KCNAB1: variants seen among roughly 807,000 people sequenced by gnomAD.
KCNAB1 encodes the protein potassium voltage-gated channel subfamily A regulatory beta subunit 1, also known as voltage-gated potassium channel subunit beta-1.
Under a neutral mutation model 64.6 loss-of-function variants are expected in KCNAB1, and 35 were observed. That is an observed-to-expected ratio of 0.54 (90% CI 0.41 to 0.72). KCNAB1 has a LOEUF of 0.72. KCNAB1 is among the 30% of genes least tolerant of loss of function. The probability of loss-of-function intolerance (pLI) is 0.00; values close to 1 mark genes in which losing one functional copy is unlikely to be tolerated. For synonymous variants in KCNAB1, 177 were observed against 183.8 expected (o/e 0.96, Z 0.30); for missense variants, 401 against 512.9 (o/e 0.78, Z 2.11).
chr3:156,138,838 C>T (rs747848128), intron 1 of KCNAB1, among the ~76,000 whole-genome samples: 1 of 152,164 alleles, frequency 6.6e-6, no homozygotes, highest in Non-Finnish European at 1.5e-5. Flanking sequence ...GAATCCTGAA[C>T]AGGTGTAGAT....
rs986776850 is a variant in KCNAB1 at position 156,420,728 on chromosome 3, G to A, written c.276-888G>A. Among the ~76,000 whole-genome samples the A allele has an allele frequency of 2.0e-5, 3 of 152,146 alleles. No homozygotes were observed. The East Asian group carries it at 5.8e-4, about 29-fold the overall frequency. ...TTACACTAATGCTATGAGGCACCCT[G>A]TCTCTGAGAATTTGTTTTTTTCCTC... On this transcript the variant is annotated intron_variant, in intron 1 of 13. Coordinates refer to ENST00000490337, the MANE Select transcript of KCNAB1 (RefSeq NM_172160.3).
intron 1 of KCNAB1, among the ~76,000 whole-genome samples, chr3:156,298,459 A>G (rs1405845517): frequency 6.6e-6 from 1 of 152,254 alleles, no homozygotes; most frequent in Non-Finnish European, 1.5e-5. Flanking sequence ...ATTCTTTTTT[A>G]AAAATTCTGC....
At position 156,154,840 on chromosome 3, in the gene KCNAB1, G is replaced by C. The variant is rs144270181; in HGVS notation, c.275+33954G>C. On this transcript the variant is annotated intron_variant, in intron 1 of 13. Transcript: ENST00000490337. ...TTCTACTTCAGAGGGTTGGTTACCT[G>C]CAGGAGCCTGGGTGAGACTCATTAC... Among the ~76,000 whole-genome samples, 94 of 152,290 alleles carry C rather than the reference G, an allele frequency of 6.2e-4. No individual in the cohort carries two copies. The East Asian group carries it at 9.1e-3, about 15-fold the overall frequency.
At chr3:156,398,120 A>C (rs1015084191) in intron 1 of KCNAB1, among the ~76,000 whole-genome samples, 6 of 152,220 alleles carry the variant, frequency 3.9e-5, no homozygotes, top group African/African-American at 1.4e-4. Context: ...TATCCTCAGC[A>C]AACTCACACA....
chr3:156,534,374 AG>A (rs947913986), intron 13 of KCNAB1, among the ~76,000 whole-genome samples: 1 of 152,148 alleles, frequency 6.6e-6, no homozygotes, highest in Non-Finnish European at 1.5e-5. Context: ...CCACAGCTGC[AG>A]GCAGCCCACC....
intron 1 of KCNAB1, among the ~76,000 whole-genome samples, chr3:156,280,149 G>A (rs1384216540): frequency 8.4e-4 from 126 of 149,604 alleles, no homozygotes; most frequent in Non-Finnish European, 1.6e-3. Flanking sequence ...TTTGTATAAG[G>A]TGTAAGGAAG....
chr3:156,297,304 G>T (rs1444047063), intron 1 of KCNAB1, among the ~76,000 whole-genome samples: 2 of 144,738 alleles, frequency 1.4e-5, no homozygotes, highest in Non-Finnish European at 3.0e-5. Flanking sequence ...GGTTTGTACA[G>T]GGAAGTGGTG....
chr3:156,420,448 A>G (rs1458814829), intron 1 of KCNAB1, among the ~76,000 whole-genome samples: 1 of 152,248 alleles, frequency 6.6e-6, no homozygotes, highest in Non-Finnish European at 1.5e-5. Flanking sequence ...ATTAATAAGC[A>G]GAGGAAAAAC....
intron 1 of KCNAB1, among the ~76,000 whole-genome samples, chr3:156,322,412 A>C (rs1340023151): frequency 2.2e-4 from 33 of 152,340 alleles, no homozygotes; most frequent in Non-Finnish European, 2.9e-4. Flanking sequence ...GAACAGTTGG[A>C]TCTGTACCAA....
At chr3:156,124,718 G>A (rs927964831) in intron 1 of KCNAB1, among the ~76,000 whole-genome samples, 1 of 151,948 alleles carries the variant, frequency 6.6e-6, no homozygotes, top group Non-Finnish European at 1.5e-5. Context: ...TGCTTTCTCT[G>A]TACTACACAA....
chr3:156,437,523 A>AC (rs1234086633), intron 2 of KCNAB1, among the ~76,000 whole-genome samples: 25 of 152,138 alleles, frequency 1.6e-4, no homozygotes, highest in Non-Finnish European at 1.5e-5. Flanking sequence ...TTCCACTCTG[A>AC]CCCCATCAAA....
chr3:156,512,580 T>A (rs983256778), intron 8 of KCNAB1, among the ~76,000 whole-genome samples: 1 of 152,228 alleles, frequency 6.6e-6, no homozygotes, highest in Non-Finnish European at 1.5e-5. Context: ...GAAAGGGAGC[T>A]GGTGCAGTGA....
At chr3:156,293,235 T>C (rs2107971860) in intron 1 of KCNAB1, among the ~76,000 whole-genome samples, 1 of 152,380 alleles carries the variant, frequency 6.6e-6, no homozygotes, top group South Asian at 2.1e-4. Flanking sequence ...AAAACTACTG[T>C]GCTTCTAGTT....
At chr3:156,394,793 C>A (rs564707225) in intron 1 of KCNAB1, among the ~76,000 whole-genome samples, 5 of 152,172 alleles carry the variant, frequency 3.3e-5, no homozygotes, top group Non-Finnish European at 7.3e-5. Flanking sequence ...CTTCTCTCTT[C>A]AACTCTGAGA....
chr3:156,371,617 GC>G (rs1726312823), intron 1 of KCNAB1, among the ~76,000 whole-genome samples: 1 of 152,178 alleles, frequency 6.6e-6, no homozygotes, highest in East Asian at 1.9e-4. Context: ...AAAGGAGGGG[GC>G]TCAGGGTACA....
At chr3:156,267,831 G>A (rs1301205420) in intron 1 of KCNAB1, among the ~76,000 whole-genome samples, 1 of 152,028 alleles carries the variant, frequency 6.6e-6, no homozygotes, top group Non-Finnish European at 1.5e-5. Context: ...GGCATGCAAT[G>A]TGTAATAATC....
intron 1 of KCNAB1, among the ~76,000 whole-genome samples, chr3:156,392,495 C>T (rs537196343): frequency 1.9e-4 from 29 of 152,284 alleles, no homozygotes; most frequent in African/African-American, 6.7e-4. Context: ...TACTCCTAGC[C>T]TTACTGTACT....
chr3:156,397,642 A>C (rs1381354532), intron 1 of KCNAB1, among the ~76,000 whole-genome samples: 1 of 152,142 alleles, frequency 6.6e-6, no homozygotes, highest in Non-Finnish European at 1.5e-5. Context: ...AGACATTAAA[A>C]ATTACTTTAC....
At chr3:156,525,506 G>GT (rs1196250991) in intron 12 of KCNAB1, among the ~76,000 whole-genome samples, 1 of 152,112 alleles carries the variant, frequency 6.6e-6, no homozygotes. Context: ...AAGTTCAAAG[G>GT]TTTTTTTGTT....
Sources: allele counts gnomAD v4.1 joint callset (sites outside exome capture counted in the v4.1 genomes callset), GRCh38; gene constraint gnomAD v4.1.1; transcripts MANE v1.5; gene names NCBI Gene and HGNC (gene_info 2026-07-23, HGNC 2026-07-21).